The following ITGA9 variants were observed in gnomAD, a reference collection of about 807,000 sequenced individuals.
The protein encoded by ITGA9 is integrin alpha-9.
A neutral mutation model predicts 127.8 loss-of-function variants in ITGA9; 56 were observed. The ratio of observed to expected loss-of-function variants is 0.44; its 90% CI spans 0.35 to 0.55. The LOEUF (loss-of-function observed/expected upper bound fraction) is 0.55. Among genes scored for constraint, ITGA9 ranks in the 20% least tolerant of loss-of-function variants. The pLI, the probability that ITGA9 is intolerant of heterozygous loss-of-function variation, is 0.00. For synonymous variants in ITGA9, 508 were observed against 514.5 expected (o/e 0.99, Z 0.17); for missense variants, 1,196 against 1,347.1 (o/e 0.89, Z 1.76).
chr3:37,502,739 A>G (rs1045097245), intron 5 of ITGA9, among the ~76,000 whole-genome samples: 16 of 152,166 alleles, frequency 1.1e-4, no homozygotes, highest in African/African-American at 3.9e-4. Flanking sequence ...TCCTCTCGCT[A>G]CGCATCAGGT....
intron 15 of ITGA9, among the ~76,000 whole-genome samples, chr3:37,563,235 G>T (rs7649363): frequency 0.14 from 20,986 of 152,148 alleles, 1,747 homozygotes; most frequent in African/African-American, 0.22. Flanking sequence ...TCTGTTTGTT[G>T]GTTATCATGG....
chr3:37,549,018 A>T lies in ITGA9; in HGVS notation c.1689+6433A>T, dbSNP rs960720796. Among the ~76,000 whole-genome samples the T allele has an allele frequency of 2.6e-5, 4 of 152,140 alleles. No individual in the cohort carries two copies. In the East Asian group the frequency reaches 5.8e-4, roughly 22 times the overall value. Reference sequence around the variant, plus strand: ...CAGGTGTGAAGCCGCTGCTCATGCGATATGCTCTGCTCACACAGATGGCAC... The same window carrying T: ...CAGGTGTGAAGCCGCTGCTCATGCGTTATGCTCTGCTCACACAGATGGCAC... On this transcript the variant is annotated intron_variant, in intron 15 of 27. Coordinates refer to ENST00000264741, the MANE Select transcript of ITGA9 (RefSeq NM_002207.3).
chr3:37,710,694 G>A (rs771883007), intron 18 of ITGA9, among the ~76,000 whole-genome samples: 5 of 152,180 alleles, frequency 3.3e-5, no homozygotes, highest in Admixed American at 6.5e-5. Flanking sequence ...TTAGCCCTAG[G>A]ACAACAGGCA....
At chr3:37,778,749 T>A (rs1449527677) in intron 24 of ITGA9, among the ~76,000 whole-genome samples, 4 of 151,100 alleles carry the variant, frequency 2.6e-5, no homozygotes, top group South Asian at 2.1e-4. Context: ...TCCTTTTTTT[T>A]ATCTTTGGTT....
chr3:37,511,601 G>T (rs1274274054), intron 8 of ITGA9, among the ~76,000 whole-genome samples: 3 of 152,214 alleles, frequency 2.0e-5, no homozygotes, highest in African/African-American at 7.2e-5. Context: ...TTTTACCAAA[G>T]CTCAGATGGG....
intron 15 of ITGA9, among the ~76,000 whole-genome samples, chr3:37,602,212 T>G (rs567077407): frequency 6.7e-6 from 1 of 148,394 alleles, no homozygotes; most frequent in African/African-American, 2.4e-5. Flanking sequence ...AAATCAAAAT[T>G]GATGGCTTTA....
intron 8 of ITGA9, among the ~76,000 whole-genome samples, chr3:37,509,944 G>A (rs1698884515): frequency 6.6e-6 from 1 of 152,010 alleles, no homozygotes; most frequent in South Asian, 2.1e-4. Flanking sequence ...TAACAAATGG[G>A]TGAATGTATC....
intron 18 of ITGA9, among the ~76,000 whole-genome samples, chr3:37,703,645 A>G (rs1700972436): frequency 2.0e-5 from 3 of 152,202 alleles, no homozygotes; most frequent in Non-Finnish European, 4.4e-5. Context: ...GATTTCTGCT[A>G]GTGTTTGCAA....
Position 37,718,999 on chromosome 3 carries a change from C to A in ITGA9, c.2068-13713C>A, listed in dbSNP as rs553084780. On this transcript the variant is annotated intron_variant, in intron 18 of 27. Coordinates refer to ENST00000264741, the MANE Select transcript of ITGA9 (RefSeq NM_002207.3). Reference sequence around the variant, plus strand: ...GCTCCCAGGTGGTTCCAGTGCACACCCCCAGTTAAGAACCAATGAAGAATG... The same window carrying A: ...GCTCCCAGGTGGTTCCAGTGCACACACCCAGTTAAGAACCAATGAAGAATG... Among the ~76,000 whole-genome samples, 4 of 152,324 alleles carry A rather than the reference C, an allele frequency of 2.6e-5. No homozygotes were observed. The East Asian group carries it at 7.7e-4, about 29-fold the overall frequency.
intron 14 of ITGA9, among the ~76,000 whole-genome samples, chr3:37,540,611 C>G (rs1219120608): frequency 6.6e-6 from 1 of 152,138 alleles, no homozygotes; most frequent in Non-Finnish European, 1.5e-5. Flanking sequence ...TGATGGGTGG[C>G]CCTCTGGCCT....
At position 37,512,049 on chromosome 3, in the gene ITGA9, TTTCTTTCTTTCTTTCTTTCTTTCTTTCC is replaced by T. The variant is rs1400445722; in HGVS notation, c.898-1710_898-1683del. ...TTTTCTTTCTTTCTTTCTTTCTTTC[TTTCTTTCTTTCTTTCTTTCTTTCTTTCC>T]TTCCTTCCTTCCTTCCTTCCTTCCT... On this transcript the variant is annotated intron_variant, in intron 8 of 27. Transcript: ENST00000264741. Among the ~76,000 whole-genome samples, 94 of 53,168 alleles carry T rather than the reference TTTCTTTCTTTCTTTCTTTCTTTCTTTCC, an allele frequency of 1.8e-3. 5 individuals are homozygous for T. Among genetic ancestry groups the T allele is most frequent in the East Asian group, 7.6e-3 (5 of 654 alleles). 34.9% of individuals were successfully genotyped at this position (53,168 alleles called of 152,430 possible). A position where few individuals can be genotyped will look rare whatever the true frequency, so the allele number is the denominator to read the frequency against.
intron 16 of ITGA9, among the ~76,000 whole-genome samples, chr3:37,650,487 C>CA (rs1346472108): frequency 2.0e-5 from 3 of 152,074 alleles, no homozygotes; most frequent in Admixed American, 6.6e-5. Context: ...GGCTGGAGTG[C>CA]AATGGTTGGT....
chr3:37,764,832 A>G (rs537492320), intron 23 of ITGA9, among the ~76,000 whole-genome samples: 2 of 152,188 alleles, frequency 1.3e-5, no homozygotes, highest in Non-Finnish European at 2.9e-5. Context: ...CAATCTTTGC[A>G]TAGCTGGCTC....
intron 18 of ITGA9, among the ~76,000 whole-genome samples, chr3:37,688,037 C>A (rs920853003): frequency 6.6e-6 from 1 of 152,190 alleles, no homozygotes. Context: ...GCTGGAGGAC[C>A]GATCCCCCAG....
At position 37,517,521 on chromosome 3, in the gene ITGA9, G is replaced by A; in HGVS notation, c.1053G>A (p.Gln351=). ...TTTCCCAGGGAGCCCTCGAGGAGCAGCTGGCTCTGACTGGGGATGGTGCCT... is the reference window on the plus strand; with the variant it reads ...TTTCCCAGGGAGCCCTCGAGGAGCAACTGGCTCTGACTGGGGATGGTGCCT... The part of the protein sequence containing the change: ...INRGNGALEE[Q]LALTGDGAYN... Residue 351 remains glutamine, a synonymous_variant, in exon 10 of 28, where the codon CAG becomes CAA. Transcript: ENST00000264741. The A allele has an allele frequency of 6.3e-7, 1 of 1,595,438 alleles. No homozygotes were observed. Among genetic ancestry groups the A allele is most frequent in the Non-Finnish European group, 8.5e-7 (1 of 1,170,590 alleles).
At chr3:37,502,510 C>T (rs1478710548) in intron 5 of ITGA9, among the ~76,000 whole-genome samples, 5 of 152,148 alleles carry the variant, frequency 3.3e-5, no homozygotes, top group East Asian at 1.9e-4. Flanking sequence ...CCACTGCGCC[C>T]GGCCTTGAGT....
chr3:37,670,898 C>T (rs1700631205), intron 17 of ITGA9, among the ~76,000 whole-genome samples: 2 of 152,360 alleles, frequency 1.3e-5, no homozygotes, highest in South Asian at 4.1e-4. Context: ...GACAGAATTA[C>T]TTGTCAAGGG....
chr3:37,583,173 TA>T (rs1409046289), intron 15 of ITGA9, among the ~76,000 whole-genome samples: 2 of 152,226 alleles, frequency 1.3e-5, no homozygotes, highest in Non-Finnish European at 2.9e-5. Context: ...TGGGTTGCTC[TA>T]ATATATATTC....
At chr3:37,621,919 A>G (rs1446233311) in intron 15 of ITGA9, among the ~76,000 whole-genome samples, 1 of 152,156 alleles carries the variant, frequency 6.6e-6, no homozygotes, top group Non-Finnish European at 1.5e-5. Flanking sequence ...CTCATGACAG[A>G]ATTTCTGGAG....
Sources: allele counts gnomAD v4.1 joint callset (sites outside exome capture counted in the v4.1 genomes callset), GRCh38; gene constraint gnomAD v4.1.1; transcripts MANE v1.5; gene names NCBI Gene and HGNC (gene_info 2026-07-23, HGNC 2026-07-21).